The following TMEM132B variants were observed in gnomAD, a reference collection of about 807,000 sequenced individuals.
TMEM132B encodes the protein transmembrane protein 132B.
Under a neutral mutation model 90.8 loss-of-function variants are expected in TMEM132B, and 18 were observed. The ratio of observed to expected loss-of-function variants is 0.20; its 90% CI spans 0.14 to 0.29. TMEM132B has a LOEUF of 0.29. Ranked by LOEUF, TMEM132B falls within the 10% of genes least tolerant of loss-of-function variation. The pLI is 1.00. For missense variants in TMEM132B, 1,096 were observed against 1,326.8 expected, an observed-to-expected ratio of 0.83 and a Z score of 2.70; for synonymous variants, 504 against 523.3, an observed-to-expected ratio of 0.96 and a Z score of 0.50.
intron 1 of TMEM132B, among the ~76,000 whole-genome samples, chr12:125,254,460 T>A (rs970867298): frequency 8.5e-5 from 13 of 152,048 alleles, no homozygotes; most frequent in Non-Finnish European, 4.4e-5. Context: ...AGCAGATGTT[T>A]CCTTGAGGTT....
At chr12:125,216,470 A>T (rs1397646019) in intron 1 of TMEM132B, among the ~76,000 whole-genome samples, 1 of 151,970 alleles carries the variant, frequency 6.6e-6, no homozygotes, top group Admixed American at 6.6e-5. Flanking sequence ...TGAACACAAA[A>T]CTTCATTTTG....
rs116513474 is a variant in TMEM132B, at chr12:125,552,994, G to A, written c.1294-30857G>A. On this transcript the variant is annotated intron_variant, in intron 4 of 8. Transcript: ENST00000682704. ...ACTGCTGAGTAAGGTTGTGCAGGTT[G>A]CACACTGCTCATAGCATGTTTAAGG... 2.5e-3 allele frequency among the ~76,000 whole-genome samples: 388 copies of A among 152,366 alleles called. 4 individuals are homozygous for A. Among genetic ancestry groups the A allele is most frequent in the African/African-American group, 8.6e-3 (359 of 41,592 alleles).
At chr12:125,358,592 T>G (rs1877861327) in intron 2 of TMEM132B, among the ~76,000 whole-genome samples, 1 of 152,174 alleles carries the variant, frequency 6.6e-6, no homozygotes, top group South Asian at 2.1e-4. Context: ...AGAAAGTTCC[T>G]CAATTTGGGT....
intron 1 of TMEM132B, among the ~76,000 whole-genome samples, chr12:125,210,451 T>C (rs1226035837): frequency 6.6e-6 from 1 of 152,172 alleles, no homozygotes. Flanking sequence ...TTTGCCCTGA[T>C]TAAAATGGGG....
At chr12:125,611,466 C>A (rs1050604267) in intron 5 of TMEM132B, among the ~76,000 whole-genome samples, 1 of 151,810 alleles carries the variant, frequency 6.6e-6, no homozygotes, top group Non-Finnish European at 1.5e-5. Flanking sequence ...GTTTGCTTTT[C>A]TTTTCCACTG....
intron 1 of TMEM132B, among the ~76,000 whole-genome samples, chr12:125,190,535 G>A (rs1371288674): frequency 2.3e-5 from 3 of 127,748 alleles, no homozygotes; most frequent in African/African-American, 9.7e-5. Flanking sequence ...GGAAGGGGTG[G>A]TGATGGTGAT....
chr12:125,646,219 T>C (rs1168523805), intron 6 of TMEM132B, among the ~76,000 whole-genome samples: 2 of 152,142 alleles, frequency 1.3e-5, no homozygotes, highest in South Asian at 4.1e-4. Context: ...GTCAGATAGT[T>C]AGCTGAGGAG....
At chr12:125,291,440 G>T (rs180766621) in intron 1 of TMEM132B, among the ~76,000 whole-genome samples, 1 of 152,306 alleles carries the variant, frequency 6.6e-6, no homozygotes, top group Admixed American at 6.5e-5. Flanking sequence ...GAAGTTAGAG[G>T]GGTTTGAAGT....
Position 125,400,795 on chromosome 12 carries a change from C to G in TMEM132B, c.960-14736C>G, listed in dbSNP as rs149596602. On this transcript the variant is annotated intron_variant, in intron 2 of 8. Transcript: ENST00000682704. ...CTTAATCACACCCTGAAAATGTTCC[C>G]GTGCCCCAGGCTGGGCTTATCTCAG... is the stretch of plus-strand genomic sequence containing the variant. Among the ~76,000 whole-genome samples the G allele has an allele frequency of 2.0e-5, 3 of 152,180 alleles. No homozygotes were observed. The East Asian group carries it at 5.8e-4, about 29-fold the overall frequency.
At chr12:125,358,440 G>A (rs1402976824) in intron 2 of TMEM132B, among the ~76,000 whole-genome samples, 1 of 152,082 alleles carries the variant, frequency 6.6e-6, no homozygotes, top group African/African-American at 2.4e-5. Context: ...TGTCCCACTG[G>A]TATCCTTTTT....
intron 2 of TMEM132B, among the ~76,000 whole-genome samples, chr12:125,396,509 A>ATTTG (rs947332444): frequency 4.0e-5 from 6 of 151,848 alleles, no homozygotes; most frequent in Non-Finnish European, 7.4e-5. Context: ...ACTATTATTT[A>ATTTG]TTTGTTTGTT....
intron 1 of TMEM132B, among the ~76,000 whole-genome samples, chr12:125,288,748 A>G (rs113976896): frequency 0.016 from 2,361 of 152,252 alleles, 56 homozygotes; most frequent in African/African-American, 0.054. Context: ...TCCTCCCACT[A>G]GATGCCGGTA....
intron 4 of TMEM132B, among the ~76,000 whole-genome samples, chr12:125,569,597 G>C (rs1440928093): frequency 6.6e-6 from 1 of 150,816 alleles, no homozygotes; most frequent in Non-Finnish European, 1.5e-5. Flanking sequence ...TAGAGCTCTT[G>C]GTTAAGACTC....
intron 1 of TMEM132B, among the ~76,000 whole-genome samples, chr12:125,241,701 G>A (rs1424297588): frequency 1.3e-5 from 2 of 152,104 alleles, no homozygotes; most frequent in East Asian, 1.9e-4. Context: ...TGGTCTCCAG[G>A]GCCATGAGAA....
intron 4 of TMEM132B, among the ~76,000 whole-genome samples, chr12:125,577,112 T>C (rs1033312673): frequency 1.2e-4 from 18 of 152,032 alleles, no homozygotes; most frequent in African/African-American, 4.3e-4. Flanking sequence ...AGCCATCTGG[T>C]CCTGAGCTTT....
chr12:125,349,581 C>T lies in TMEM132B; in HGVS notation c.197C>T (p.Thr66Ile). Residue 66 changes from threonine to isoleucine, a missense_variant, in exon 2 of 9, where the codon ACA becomes ATA. Physicochemically the swap from Thr to Ile is moderately conservative, Grantham distance 89. Transcript: ENST00000682704. This position sits in a 1 kb window ranked among gnomAD's most constrained non-coding sequence, Gnocchi z 4.1. ...CTTAAAGAAGCCAACCAAGACCTCACAAGGAACTCCAGTCTGCAGGCCCGG... is the reference window on the plus strand; with the variant it reads ...CTTAAAGAAGCCAACCAAGACCTCATAAGGAACTCCAGTCTGCAGGCCCGG... Reference protein sequence around the residue: ...FFLKEANQDLTRNSSLQARVE... With the variant: ...FFLKEANQDLIRNSSLQARVE... 1.2e-6 allele frequency: 2 copies of T among 1,614,164 alleles called. No homozygotes were observed. Among genetic ancestry groups the T allele is most frequent in the Admixed American group, 1.7e-5 (1 of 60,024 alleles).
intron 1 of TMEM132B, among the ~76,000 whole-genome samples, chr12:125,218,767 CTG>C (rs1303764928): frequency 5.3e-5 from 2 of 37,824 alleles, no homozygotes; most frequent in African/African-American, 1.6e-4. Flanking sequence ...CTTGTTGAAG[CTG>C]TTTTTTTTTT....
intron 1 of TMEM132B, among the ~76,000 whole-genome samples, chr12:125,236,096 C>G (rs550255593): frequency 6.6e-6 from 1 of 151,710 alleles, no homozygotes; most frequent in South Asian, 2.1e-4. Flanking sequence ...AGCCACTGTG[C>G]CGGACCAGCA....
intron 5 of TMEM132B, among the ~76,000 whole-genome samples, chr12:125,591,029 G>A (rs976311859): frequency 5.9e-5 from 9 of 151,956 alleles, no homozygotes; most frequent in African/African-American, 2.2e-4. Flanking sequence ...GCGTGTGTGT[G>A]TGTGTGTTTG....
Sources: allele counts gnomAD v4.1 joint callset (sites outside exome capture counted in the v4.1 genomes callset), GRCh38; gene constraint gnomAD v4.1.1; non-coding constraint Gnocchi (gnomAD v3.1); transcripts MANE v1.5; gene names NCBI Gene and HGNC (gene_info 2026-07-23, HGNC 2026-07-21).